GABRR3: variants seen among roughly 807,000 people sequenced by gnomAD.
The protein encoded by GABRR3 is gamma-aminobutyric acid receptor subunit rho-3.
GABRR3 carries 29 observed loss-of-function variants against 43.2 expected under a neutral mutation model. The observed-to-expected ratio is 0.67, with a 90% CI of 0.50 to 0.92. The LOEUF (loss-of-function observed/expected upper bound fraction) is 0.92. Ranked by LOEUF, GABRR3 falls within the 40% of genes least tolerant of loss-of-function variation. The probability of loss-of-function intolerance (pLI) is 0.00; values close to 1 mark genes in which losing one functional copy is unlikely to be tolerated. For missense variants in GABRR3, 576 were observed against 572.3 expected, an observed-to-expected ratio of 1.01 and a Z score of -0.07; for synonymous variants, 206 against 195.9, an observed-to-expected ratio of 1.05 and a Z score of -0.43.
intron 5 of GABRR3, 21 bp downstream of exon 5, chr3:98,012,323 G>A (rs748940772): frequency 2.9e-5 from 46 of 1,592,592 alleles, no homozygotes; most frequent in Non-Finnish European, 3.9e-5. Flanking sequence ...GAAGCCAAAG[G>A]CGATAGGCAG....
intron 9 of GABRR3, among the ~76,000 whole-genome samples, chr3:97,991,602 C>A (rs540948057): frequency 1.3e-5 from 2 of 152,334 alleles, no homozygotes; most frequent in African/African-American, 4.8e-5. Flanking sequence ...ATGAAGTGAG[C>A]ATTCCAGATC....
At chr3:98,008,268 A>T (rs1706746756) in intron 6 of GABRR3, among the ~76,000 whole-genome samples, 2 of 152,218 alleles carry the variant, frequency 1.3e-5, no homozygotes. Flanking sequence ...CCAGGCTGTT[A>T]GTCCCCATTT....
chr3:98,001,843 T>C (rs192686474), intron 7 of GABRR3, 76 bp from the exon 8 acceptor site: 1 of 1,504,046 alleles, frequency 6.6e-7, no homozygotes, highest in Admixed American at 1.8e-5. Context: ...ATGACCTGCT[T>C]CTTTAGACTC....
chr3:97,992,492 A>G (rs542329237), intron 9 of GABRR3, among the ~76,000 whole-genome samples: 11 of 152,296 alleles, frequency 7.2e-5, no homozygotes, highest in African/African-American at 2.6e-4. Flanking sequence ...TATGATGCCA[A>G]TATATAATAA....
At chr3:97,994,232 T>A (rs1035111476) in intron 8 of GABRR3, among the ~76,000 whole-genome samples, 1 of 152,242 alleles carries the variant, frequency 6.6e-6, no homozygotes, top group Non-Finnish European at 1.5e-5. Flanking sequence ...CACCTTTCTA[T>A]CCTTTCTGTA....
At chr3:98,033,553 A>G (rs844258) in intron 2 of GABRR3, among the ~76,000 whole-genome samples, 70,365 of 151,964 alleles carry the variant, frequency 0.46, 16,652 homozygotes, top group Admixed American at 0.52. Flanking sequence ...TAGCTACTAT[A>G]GTCATCTCTC....
intron 3 of GABRR3, among the ~76,000 whole-genome samples, chr3:98,022,953 G>C (rs75296882): frequency 0.013 from 1,966 of 152,248 alleles, 44 homozygotes; most frequent in African/African-American, 0.045. Context: ...TTTCTGGACG[G>C]GGGGAGGACG....
intron 3 of GABRR3, among the ~76,000 whole-genome samples, chr3:98,024,087 G>C (rs1706982386): frequency 6.6e-6 from 1 of 152,194 alleles, no homozygotes; most frequent in Admixed American, 6.5e-5. Flanking sequence ...GCCGGGTGTG[G>C]TGGCTTACAC....
intron 9 of GABRR3, among the ~76,000 whole-genome samples, chr3:97,992,444 G>T (rs1026862074): frequency 6.6e-6 from 1 of 152,040 alleles, no homozygotes; most frequent in Non-Finnish European, 1.5e-5. Context: ...ACTGACCTTG[G>T]TGTGAGAGTT....
chr3:97,987,053 T>G (rs1706397542), intron 9 of GABRR3, 71 bp from the exon 10 acceptor site: 6 of 1,014,848 alleles, frequency 5.9e-6, no homozygotes, highest in Non-Finnish European at 8.5e-6. Flanking sequence ...GTAAATAATG[T>G]TAATAAAGTT....
downstream of GABRR3, among the ~76,000 whole-genome samples, chr3:97,985,737 ATGT>A (rs1316921686): frequency 1.3e-5 from 2 of 152,196 alleles, no homozygotes; most frequent in Non-Finnish European, 2.9e-5. Context: ...AAAATGCGAG[ATGT>A]TATTATTGAT....
intron 9 of GABRR3, among the ~76,000 whole-genome samples, chr3:97,988,974 G>A (rs1450205964): frequency 1.3e-5 from 2 of 149,604 alleles, no homozygotes; most frequent in Admixed American, 1.3e-4. Context: ...GGTGGTAGTT[G>A]GCAGTGGTCA....
chr3:98,019,295 G>A (rs1373090835), intron 3 of GABRR3, among the ~76,000 whole-genome samples: 1 of 152,134 alleles, frequency 6.6e-6, no homozygotes, highest in Non-Finnish European at 1.5e-5. Flanking sequence ...CCCTTTAAAT[G>A]CATAATACTA....
At chr3:98,001,241 G>A (rs1476927621) in intron 8 of GABRR3, 1 of 182,706 alleles carries the variant, frequency 5.5e-6, no homozygotes, top group African/African-American at 2.4e-5. Context: ...TTTCCTTTCT[G>A]TGATGTAAGG....
chr3:98,002,399 C>T (rs1706661276), intron 7 of GABRR3, among the ~76,000 whole-genome samples: 1 of 152,120 alleles, frequency 6.6e-6, no homozygotes, highest in Admixed American at 6.6e-5. Flanking sequence ...ATTAACTGCG[C>T]TAATTAAAAG....
intron 3 of GABRR3, among the ~76,000 whole-genome samples, chr3:98,022,070 C>A (rs548154969): frequency 3.3e-5 from 5 of 152,222 alleles, no homozygotes; most frequent in South Asian, 2.1e-4. Flanking sequence ...CTTTGACAAG[C>A]AAAGACTGTG....
rs1553720249 is a variant in GABRR3 at position 98,026,609 on chromosome 3, T to TCATCAACATTAG, written c.126-931_126-930insCTAATGTTGATG. 4.4e-4 allele frequency among the ~76,000 whole-genome samples: 60 copies of TCATCAACATTAG among 136,070 alleles called. 1 individual carries two copies. The highest frequency in any genetic ancestry group is 1.5e-3 in the African/African-American group (58 of 39,812). The allele number at this position is 136,070 out of a possible 152,430, so 89.3% of individuals were successfully genotyped here. A position where few individuals can be genotyped will look rare whatever the true frequency, so the allele number is the denominator to read the frequency against. ...TTCCAGAAAAAGGTGGCTGTCATCATCATCATCATCATCATCATCATCATC... is the reference window on the plus strand; with the variant it reads ...TTCCAGAAAAAGGTGGCTGTCATCATCATCAACATTAGCATCATCATCATCATCATCATCATC... On this transcript the variant is annotated intron_variant, in intron 2 of 9. Coordinates refer to ENST00000621172, the Ensembl canonical transcript of GABRR3.
chr3:98,014,233 T>C (rs557373529), intron 4 of GABRR3, among the ~76,000 whole-genome samples: 1 of 152,348 alleles, frequency 6.6e-6, no homozygotes, highest in South Asian at 2.1e-4. Context: ...TGGGTGCTGC[T>C]GGTTAGAAAC....
At chr3:98,026,139 A>G (rs895887155) in intron 2 of GABRR3, among the ~76,000 whole-genome samples, 5 of 152,172 alleles carry the variant, frequency 3.3e-5, no homozygotes, top group African/African-American at 1.2e-4. Context: ...GACAGCGAGA[A>G]AACGAAAGGA....
Sources: allele counts gnomAD v4.1 joint callset (sites outside exome capture counted in the v4.1 genomes callset), GRCh38; gene constraint gnomAD v4.1.1; transcripts MANE v1.5; gene names NCBI Gene and HGNC (gene_info 2026-07-23, HGNC 2026-07-21).